The following SCPEP1 variants were observed in gnomAD, a reference collection of about 807,000 sequenced individuals.
SCPEP1 encodes the protein retinoid-inducible serine carboxypeptidase.
Under a neutral mutation model 63.8 loss-of-function variants are expected in SCPEP1, and 51 were observed. The ratio of observed to expected loss-of-function variants is 0.80; its 90% confidence interval spans 0.64 to 1.01. The LOEUF is 1.01. Ranked by LOEUF, SCPEP1 falls within the 50% of genes least tolerant of loss-of-function variation. The pLI, the probability that SCPEP1 is intolerant of heterozygous loss-of-function variation, is 0.00. For missense variants in SCPEP1, 499 were observed against 554.9 expected, an observed-to-expected ratio of 0.90 and a Z score of 1.01; for synonymous variants, 204 against 207.8, an observed-to-expected ratio of 0.98 and a Z score of 0.16.
chr17:56,988,084 G>C lies in SCPEP1; in HGVS notation c.472-132G>C, dbSNP rs1482683622. ...TAATCAGACGCAATAATCAGATATG[G>C]AGTGGTGGGGGAGGAAGACAAAGCA... is the stretch of plus-strand genomic sequence containing the variant. On this transcript the variant is annotated intron_variant, in intron 4 of 12. Transcript: ENST00000262288. 3 of 782,136 alleles carry C rather than the reference G, an allele frequency of 3.8e-6. No homozygotes were observed. In the East Asian group the frequency reaches 7.8e-5, roughly 20 times the overall value. 48.4% of individuals were successfully genotyped at this position (782,136 alleles called of 1,614,324 possible). A position where few individuals can be genotyped will look rare whatever the true frequency, so the allele number is the denominator to read the frequency against.
At chr17:56,999,694 TGGGTGTGGCC>T (rs1399599682) in intron 10 of SCPEP1, among the ~76,000 whole-genome samples, 2 of 152,190 alleles carry the variant, frequency 1.3e-5, no homozygotes, top group Admixed American at 6.5e-5. Context: ...TGAAAAGAGC[TGGGTGTGGCC>T]GGGTGTGGTG....
intron 12 of SCPEP1, 62 bp from the exon 13 acceptor site, chr17:57,006,111 C>A: frequency 7.2e-7 from 1 of 1,391,766 alleles, no homozygotes; most frequent in Non-Finnish European, 1.0e-6. Context: ...CAGGATGTTG[C>A]CTCTGACCCC....
At chr17:56,987,476 T>C (rs573201352) in intron 3 of SCPEP1, 17 of 406,070 alleles carry the variant, frequency 4.2e-5, no homozygotes, top group Middle Eastern at 6.8e-4. Context: ...CCTTTTTTTT[T>C]TTTTGCGGCG....
chr17:57,004,688 C>T (rs930984501), intron 12 of SCPEP1, among the ~76,000 whole-genome samples: 31 of 152,164 alleles, frequency 2.0e-4, no homozygotes, highest in African/African-American at 7.0e-4. Flanking sequence ...ACACATAGAC[C>T]GAAGGTACTT....
chr17:56,995,110 G>A, intron 7 of SCPEP1, 92 bp downstream of exon 7: 3 of 1,198,884 alleles, frequency 2.5e-6, no homozygotes, highest in South Asian at 1.3e-5. Context: ...GGATGAGTTT[G>A]CCTATGTGGT....
At position 56,995,499 on chromosome 17, in the gene SCPEP1, C is replaced by T. The variant is rs1911519883; in HGVS notation, c.658-8C>T. 6.2e-7 allele frequency: 1 copy of T among 1,608,910 alleles called. No homozygotes were observed. Among genetic ancestry groups the T allele is most frequent in the South Asian group, 1.1e-5 (1 of 90,080 alleles). ...AGTGGGTCTTTTTGCTCTTGGTTTGCATTCCAGTCTCTTCTCGAAGACAAA... is the reference window on the plus strand; with the variant it reads ...AGTGGGTCTTTTTGCTCTTGGTTTGTATTCCAGTCTCTTCTCGAAGACAAA... On this transcript the variant is annotated splice_polypyrimidine_tract_variant and splice_region_variant and intron_variant, in intron 7 of 12. Transcript: ENST00000262288.
At position 57,002,000 on chromosome 17, in the gene SCPEP1, CTT is replaced by C. The variant is rs772076731; in HGVS notation, c.1133-16_1133-15del. On this transcript the variant is annotated splice_polypyrimidine_tract_variant and intron_variant, in intron 11 of 12. Coordinates refer to ENST00000262288, the MANE Select transcript of SCPEP1 (RefSeq NM_021626.3). ...CCAGCTGTTAATGCCAGGCCTTTCT[CTT>C]TGTCCTTCTCACCAGGTCAGGAGGC... The C allele has an allele frequency of 2.1e-5, 34 of 1,605,108 alleles. No homozygotes were observed. In the African/African-American group the frequency reaches 4.4e-4, roughly 21 times the overall value.
At position 56,998,465 on chromosome 17, in the gene SCPEP1, C is replaced by T. The variant is rs1911640941; in HGVS notation, c.961C>T (p.Leu321Phe). Reference protein sequence around the residue: ...QLMNGPIRKKLKIIPEDQSWG... With the variant: ...QLMNGPIRKKFKIIPEDQSWG... ...CATGAATGGCCCCATCAGAAAGAAGCTCAAAATTATTCCTGAGGATCAATC... is the reference window on the plus strand; with the variant it reads ...CATGAATGGCCCCATCAGAAAGAAGTTCAAAATTATTCCTGAGGATCAATC... Residue 321 changes from leucine (L) to phenylalanine (F), a missense_variant, in exon 10 of 13, where the codon CTC becomes TTC. By Grantham distance (22) the Leu-to-Phe change is conservative. Coordinates refer to ENST00000262288, the MANE Select transcript of SCPEP1 (RefSeq NM_021626.3). 6.2e-7 allele frequency: 1 copy of T among 1,613,900 alleles called. No individual in the cohort carries two copies. The highest frequency in any genetic ancestry group is 1.3e-5 in the African/African-American group (1 of 74,992).
rs777473012 is a variant in SCPEP1 at position 56,991,147 on chromosome 17, G to C, written c.595G>C (p.Gly199Arg). ...IKCNFAGVAL[G>R]DSWISPVDSV... ...GTGCAACTTTGCGGGGGTTGCCTTG[G>C]GTGATTCCTGGATCTCCCCTGTTGG... Residue 199 changes from glycine to arginine, a missense_variant, in exon 6 of 13, where the codon GGT (glycine) becomes CGT (arginine). Transcript: ENST00000262288. 4 of 1,613,960 alleles carry C rather than the reference G, an allele frequency of 2.5e-6. No individual in the cohort carries two copies. Among genetic ancestry groups the C allele is most frequent in the Non-Finnish European group, 2.5e-6 (3 of 1,179,904 alleles).
At chr17:57,004,363 C>A (rs8081134) in intron 12 of SCPEP1, among the ~76,000 whole-genome samples, 24,073 of 152,102 alleles carry the variant, frequency 0.16, 2,077 homozygotes, top group African/African-American at 0.22. Flanking sequence ...AAAAGTAAAT[C>A]AATAAATAAA....
intron 5 of SCPEP1, 106 bp downstream of exon 5, chr17:56,988,396 T>C: frequency 1.3e-6 from 1 of 770,422 alleles, no homozygotes; most frequent in East Asian, 2.6e-5. Context: ...GCCATGTACA[T>C]GCAGAGTACG....
chr17:56,993,667 C>A (rs908156713), intron 6 of SCPEP1, among the ~76,000 whole-genome samples: 2 of 152,058 alleles, frequency 1.3e-5, no homozygotes, highest in Non-Finnish European at 2.9e-5. Context: ...GGCTGGTCTC[C>A]AACTCCTGAC....
Position 56,995,477 on chromosome 17 carries a change from G to A in SCPEP1, c.658-30G>A, listed in dbSNP as rs769765478. The A allele has an allele frequency of 3.7e-6, 6 of 1,603,440 alleles. No homozygotes were observed. The Admixed American group carries it at 6.9e-5, about 19-fold the overall frequency. Reference sequence around the variant, plus strand: ...CCAGATTGACGTTCCCAAGTAAAGTGGGTCTTTTTGCTCTTGGTTTGCATT... The same window carrying A: ...CCAGATTGACGTTCCCAAGTAAAGTAGGTCTTTTTGCTCTTGGTTTGCATT... On this transcript the variant is annotated intron_variant, in intron 7 of 12. Coordinates refer to ENST00000262288, the MANE Select transcript of SCPEP1 (RefSeq NM_021626.3).
chr17:56,995,138 G>T, intron 7 of SCPEP1, 120 bp downstream of exon 7: 1 of 827,294 alleles, frequency 1.2e-6, no homozygotes, highest in Non-Finnish European at 2.0e-6. Context: ...GCTTTTTAGG[G>T]ACTAGTCATC....
chr17:56,980,477 T>G (rs1911035492), intron 1 of SCPEP1, among the ~76,000 whole-genome samples: 3 of 152,176 alleles, frequency 2.0e-5, no homozygotes, highest in Non-Finnish European at 4.4e-5. Flanking sequence ...TTTTTACTTT[T>G]TTACTCAAAA....
At chr17:56,999,886 G>C (rs1233995211) in intron 10 of SCPEP1, among the ~76,000 whole-genome samples, 1 of 152,110 alleles carries the variant, frequency 6.6e-6, no homozygotes, top group African/African-American at 2.4e-5. Flanking sequence ...GGAGGCTGAG[G>C]TGGGGGAATC....
At chr17:57,001,899 A>T (rs1911748759) in intron 11 of SCPEP1, 119 bp from the exon 12 acceptor site, 1 of 1,040,392 alleles carries the variant, frequency 9.6e-7, no homozygotes, top group Non-Finnish European at 1.4e-6. Context: ...TTTTAACAAG[A>T]TCCTGAGTGA....
chr17:56,980,788 C>CAAAAAAAAAAAA (rs10716600), intron 1 of SCPEP1, among the ~76,000 whole-genome samples: 1 of 77,140 alleles, frequency 1.3e-5, no homozygotes, highest in African/African-American at 4.9e-5. Context: ...GACTTCGTAT[C>CAAAAAAAAAAAA]AAAAAAAAAA....
chr17:56,987,846 T>G lies in SCPEP1; in HGVS notation c.467T>G (p.Phe156Cys). ...LKTFFSCHKEFQTVPFYIFSE... is the reference protein window; with the variant it reads ...LKTFFSCHKECQTVPFYIFSE... ...ACCTTCTTCAGTTGCCACAAAGAAT[T>G]CCAGGTAAGCAAAGACTCAGGAACA... The change falls in exon 4 of 13, where the codon TTC becomes TGC. Residue 156 changes from phenylalanine to cysteine, a missense_variant. Phe to Cys is a radical substitution (Grantham distance 205). Transcript: ENST00000262288. 1 of 1,614,046 alleles carries G rather than the reference T, an allele frequency of 6.2e-7. No homozygotes were observed. Among genetic ancestry groups the G allele is most frequent in the Non-Finnish European group, 8.5e-7 (1 of 1,179,976 alleles).
Sources: allele counts gnomAD v4.1 joint callset (sites outside exome capture counted in the v4.1 genomes callset), GRCh38; gene constraint gnomAD v4.1.1; transcripts MANE v1.5; gene names NCBI Gene and HGNC (gene_info 2026-07-23, HGNC 2026-07-21).